E2F4: variants seen among roughly 807,000 people sequenced by gnomAD.
E2F4 encodes the protein E2F transcription factor 4.
In E2F4, 16 loss-of-function variants were observed where a neutral mutation model predicts 44.5. The observed-to-expected ratio is 0.36, with a 90% confidence interval of 0.24 to 0.55. The LOEUF is 0.55. E2F4 is among the 20% of genes least tolerant of loss of function. The pLI, the probability that E2F4 is intolerant of heterozygous loss-of-function variation, is 0.87. For missense variants in E2F4, 473 were observed against 522.1 expected (o/e 0.91, Z 0.92); for synonymous variants, 242 against 207.2 (o/e 1.17, Z -1.44).
chr16:67,192,284 A>G lies in E2F4; in HGVS notation c.57A>G (p.Glu19=). ...PPPPGTPSRH[E]KSLGLLTTKF... Reference sequence around the variant, plus strand: ...CCCCGGGCACTCCAAGCCGGCACGAAAAGAGCCTGGGACTGCTCACCACCA... The same window carrying G: ...CCCCGGGCACTCCAAGCCGGCACGAGAAGAGCCTGGGACTGCTCACCACCA... Residue 19 remains glutamate (E), a synonymous_variant, in exon 1 of 10, where the codon GAA becomes GAG. Coordinates refer to ENST00000379378, the MANE Select transcript of E2F4 (RefSeq NM_001950.4). The G allele has an allele frequency of 7.5e-7, 1 of 1,341,510 alleles. No homozygotes were observed. The highest frequency in any genetic ancestry group is 9.6e-7 in the Non-Finnish European group (1 of 1,041,868). 83.1% of individuals were successfully genotyped at this position (1,341,510 alleles called of 1,614,324 possible).
chr16:67,197,783 G>A lies in E2F4; in HGVS notation c.1082-84G>A, dbSNP rs192462551. On this transcript the variant is annotated intron_variant, in intron 8 of 9. Coordinates refer to ENST00000379378, the MANE Select transcript of E2F4 (RefSeq NM_001950.4). ...GGGCAAAGGGTGAAGTTCCTGATGGGCAGGTGGGGTTCCCTTTCCTGGGCT... is the reference window on the plus strand; with the variant it reads ...GGGCAAAGGGTGAAGTTCCTGATGGACAGGTGGGGTTCCCTTTCCTGGGCT... 7.5e-6 allele frequency: 12 copies of A among 1,606,034 alleles called. No homozygotes were observed. In the African/African-American group the frequency reaches 1.6e-4, roughly 21 times the overall value.
intron 5 of E2F4, 58 bp from the exon 6 acceptor site, chr16:67,194,628 A>T (rs1053902238): frequency 5.2e-5 from 82 of 1,587,922 alleles, no homozygotes; most frequent in Non-Finnish European, 6.6e-5. Context: ...GGAGTCGGGC[A>T]GGAGCCAAGC....
chr16:67,193,005 T>A lies in E2F4; in HGVS notation c.246-4T>A, dbSNP rs768162623. 14 of 1,568,934 alleles carry A rather than the reference T, an allele frequency of 8.9e-6. No homozygotes were observed. In the African/African-American group the frequency reaches 1.9e-4, roughly 21 times the overall value. On this transcript the variant is annotated splice_polypyrimidine_tract_variant and splice_region_variant and intron_variant, in intron 2 of 9. Transcript: ENST00000379378. ...TCCCTCTCAGCCCCACTCCCTGGGC[T>A]CAGGGGTGTGGGGCCTGGCTGCAAT...
chr16:67,197,718 T>C (rs2032994305), intron 8 of E2F4, 72 bp downstream of exon 8: 1 of 1,604,266 alleles, frequency 6.2e-7, no homozygotes, highest in East Asian at 2.2e-5. Context: ...GCTGTTTTCT[T>C]GCCCTTTTGA....
At position 67,195,890 on chromosome 16, in the gene E2F4, A is replaced by ACAGCAGCAG. The variant is rs3830472; in HGVS notation, c.950_958dup (p.Ser317_Ser319dup). The ACAGCAGCAG allele has an allele frequency of 4.7e-3, 7,483 of 1,607,948 alleles. 106 individuals carry two copies. The African/African-American group carries it at 0.062, about 13-fold the overall frequency. On this transcript the variant is annotated inframe_insertion, in exon 7 of 10. Coordinates refer to ENST00000379378, the MANE Select transcript of E2F4 (RefSeq NM_001950.4). ...CCACTGCAGTCTTCTGCCCTGCTGGACAGCAGCAGCAGCAGCAGCAGCAGC... is the reference window on the plus strand; with the variant it reads ...CCACTGCAGTCTTCTGCCCTGCTGGACAGCAGCAGCAGCAGCAGCAGCAGCAGCAGCAGC...
At chr16:67,195,656 A>G (rs915317648) in intron 6 of E2F4, 126 bp from the exon 7 acceptor site, 2 of 1,515,490 alleles carry the variant, frequency 1.3e-6, no homozygotes, top group Non-Finnish European at 1.8e-6. Context: ...GGTGACTGGC[A>G]ATGCCTAATT....
chr16:67,193,795 GGGGAGAGA>G (rs889034074), intron 4 of E2F4, among the ~76,000 whole-genome samples: 2 of 140,004 alleles, frequency 1.4e-5, no homozygotes, highest in Admixed American at 6.8e-5. Context: ...GAGGCACAAG[GGGGAGAGA>G]GGGAGAGAGG....
At position 67,192,534 on chromosome 16, in the gene E2F4, C is replaced by T. The variant is rs971471956; in HGVS notation, c.135+172C>T. 60 of 1,115,418 alleles carry T rather than the reference C, an allele frequency of 5.4e-5. No individual in the cohort carries two copies. The African/African-American group carries it at 7.6e-4, about 14-fold the overall frequency. 69.1% of individuals were successfully genotyped at this position (1,115,418 alleles called of 1,614,324 possible). On this transcript the variant is annotated intron_variant, in intron 1 of 9. Transcript: ENST00000379378. ...CATTCATTCGGCCGAGGCCATCGAG[C>T]TACAGCTATGGGCCAGGCTCGGGCT... is the stretch of plus-strand genomic sequence containing the variant.
chr16:67,192,404 C>A, intron 1 of E2F4, 42 bp downstream of exon 1: 1 of 1,402,466 alleles, frequency 7.1e-7, no homozygotes. Context: ...GCTGGTGGAC[C>A]AGGCCTGGGC....
chr16:67,193,462 A>G lies in E2F4; in HGVS notation c.408-10A>G. ...CATAGGGCATCAGCCATTCTCCTTAACCCTCACACTTTGGCCTACGTCACT... is the reference window on the plus strand; with the variant it reads ...CATAGGGCATCAGCCATTCTCCTTAGCCCTCACACTTTGGCCTACGTCACT... On this transcript the variant is annotated splice_polypyrimidine_tract_variant and intron_variant, in intron 3 of 9. Coordinates refer to ENST00000379378, the MANE Select transcript of E2F4 (RefSeq NM_001950.4). The G allele has an allele frequency of 1.9e-6, 3 of 1,613,912 alleles. No homozygotes were observed. Among genetic ancestry groups the G allele is most frequent in the Non-Finnish European group, 2.5e-6 (3 of 1,179,966 alleles).
At chr16:67,193,295 C>T in intron 3 of E2F4, 125 bp downstream of exon 3, 1 of 1,501,330 alleles carries the variant, frequency 6.7e-7, no homozygotes, top group South Asian at 1.2e-5. Flanking sequence ...CCTCAGGCTC[C>T]CTCCTCAGAG....
At position 67,198,557 on chromosome 16, in the gene E2F4, C is replaced by T. The variant is rs1223999497; in HGVS notation, c.*434C>T. The T allele has an allele frequency of 2.1e-5, 4 of 194,858 alleles. No homozygotes were observed. The highest frequency in any genetic ancestry group is 1.3e-4 in the East Asian group (1 of 7,436). The allele number at this position is 194,858 out of a possible 1,614,324, so 12.1% of individuals were successfully genotyped here. Reference sequence around the variant, plus strand: ...TGCCAGCACCACTTCTAGCTTCCTTCGCTATCCCCCACCCCCTGACCCTCC... The same window carrying T: ...TGCCAGCACCACTTCTAGCTTCCTTTGCTATCCCCCACCCCCTGACCCTCC... On this transcript the variant is annotated 3_prime_UTR_variant, in exon 10 of 10. Coordinates refer to ENST00000379378, the MANE Select transcript of E2F4 (RefSeq NM_001950.4).
rs1460454840 is a variant in E2F4 at position 67,198,290 on chromosome 16, G to T, written c.*167G>T. 23 of 623,876 alleles carry T rather than the reference G, an allele frequency of 3.7e-5. No homozygotes were observed. In the East Asian group the frequency reaches 5.7e-4, roughly 16 times the overall value. The allele number at this position is 623,876 out of a possible 1,614,324, so 38.6% of individuals were successfully genotyped here. ...GGCCACAGCTCCCGCTCCTGTGCTG[G>T]CACTTCTGTGCTCGCAGAGCAGGGG... On this transcript the variant is annotated 3_prime_UTR_variant, in exon 10 of 10. Transcript: ENST00000379378.
rs903112043 is a variant in E2F4, at chr16:67,193,033, C to G, written c.270C>G (p.Thr90=). Residue 90 remains threonine, a synonymous_variant, in exon 3 of 10, where the codon ACC becomes ACG. Coordinates refer to ENST00000379378, the MANE Select transcript of E2F4 (RefSeq NM_001950.4). The part of the protein sequence containing the change: ...QWKGVGPGCN[T]REIADKLIEL... The stretch of plus-strand genomic sequence containing the variant: ...GGGGTGTGGGGCCTGGCTGCAATAC[C>G]CGGGAGATTGCTGACAAACTGATTG... 3 of 1,571,760 alleles carry G rather than the reference C, an allele frequency of 1.9e-6. No homozygotes were observed. Among genetic ancestry groups the G allele is most frequent in the Non-Finnish European group, 2.6e-6 (3 of 1,157,610 alleles).
At chr16:67,193,229 G>C (rs1045533725) in intron 3 of E2F4, 59 bp downstream of exon 3, 1 of 1,536,734 alleles carries the variant, frequency 6.5e-7, no homozygotes, top group Non-Finnish European at 8.8e-7. Context: ...GGTTCAACTT[G>C]CCCTGAGTCC....
At position 67,197,528 on chromosome 16, in the gene E2F4, A is replaced by G. The variant is rs1002042663; in HGVS notation, c.1034-71A>G. ...CTCAGGGTGGGTGGTATAGGATCCG[A>G]GGAAGCCAGGGGGCTGTAGTGGGGC... On this transcript the variant is annotated intron_variant, in intron 7 of 9. Transcript: ENST00000379378. 2.6e-6 allele frequency: 4 copies of G among 1,549,698 alleles called. No homozygotes were observed. The African/African-American group carries it at 5.4e-5, about 21-fold the overall frequency.
chr16:67,193,443 G>A (rs1597274969), intron 3 of E2F4, 29 bp from the exon 4 acceptor site: 1 of 1,613,890 alleles, frequency 6.2e-7, no homozygotes. Context: ...TCACCATAGG[G>A]CATCAGCCAT....
At chr16:67,193,195 G>A in intron 3 of E2F4, 25 bp downstream of exon 3, 4 of 1,554,668 alleles carry the variant, frequency 2.6e-6, no homozygotes, top group Admixed American at 1.9e-5. Context: ...GTCCCTGCTG[G>A]GGGGAGTGGG....
At chr16:67,195,035 G>A in intron 6 of E2F4, 55 bp downstream of exon 6, 1 of 1,570,508 alleles carries the variant, frequency 6.4e-7, no homozygotes, top group Non-Finnish European at 8.7e-7. Flanking sequence ...TCTCTGTGTT[G>A]TGGAACACCA....
Sources: allele counts gnomAD v4.1 joint callset (sites outside exome capture counted in the v4.1 genomes callset), GRCh38; gene constraint gnomAD v4.1.1; transcripts MANE v1.5; gene names NCBI Gene and HGNC (gene_info 2026-07-23, HGNC 2026-07-21).